CENPO: variants seen among roughly 807,000 people sequenced by gnomAD.
CENPO encodes the protein centromeric protein O.
A neutral mutation model predicts 36.1 loss-of-function variants in CENPO; 30 were observed. The ratio of observed to expected loss-of-function variants is 0.83; its 90% CI spans 0.62 to 1.13. The LOEUF is 1.13. Ranked by LOEUF, CENPO falls within the 50% of genes most tolerant of loss-of-function variation. The probability of loss-of-function intolerance (pLI) is 0.00; values close to 1 mark genes in which losing one functional copy is unlikely to be tolerated. For missense variants in CENPO, 349 were observed against 357.8 expected (o/e 0.98, Z 0.20); for synonymous variants, 171 against 142.3 (o/e 1.20, Z -1.44).
At chr2:24,808,314 T>G (rs1022167898) in intron 3 of CENPO, among the ~76,000 whole-genome samples, 1 of 152,166 alleles carries the variant, frequency 6.6e-6, no homozygotes, top group African/African-American at 2.4e-5. Context: ...GTTCAAGAGA[T>G]TCTTCTGCCT....
chr2:24,816,635 A>C lies in CENPO; in HGVS notation c.595-11A>C. The C allele has an allele frequency of 1.3e-6, 2 of 1,582,410 alleles. No individual in the cohort carries two copies. Among genetic ancestry groups the C allele is most frequent in the Non-Finnish European group, 1.7e-6 (2 of 1,165,810 alleles). On this transcript the variant is annotated splice_polypyrimidine_tract_variant and intron_variant, in intron 5 of 7. Coordinates refer to ENST00000380834, the MANE Select transcript of CENPO (RefSeq NM_001322101.2). ...CATCCTCTACTTCGTTTTGTTCCTCACCCCTCTTAGAGTGACTTTGCAGCC... is the reference window on the plus strand; with the variant it reads ...CATCCTCTACTTCGTTTTGTTCCTCCCCCCTCTTAGAGTGACTTTGCAGCC...
chr2:24,793,719 A>G (rs890502050), intron 1 of CENPO, 133 bp from the exon 2 acceptor site: 3 of 956,040 alleles, frequency 3.1e-6, no homozygotes, highest in Non-Finnish European at 4.7e-6. Flanking sequence ...CGGGCGGCTC[A>G]GGAAAGGGGA....
At chr2:24,793,666 G>A in intron 1 of CENPO, 165 bp downstream of exon 1, 2 of 1,179,924 alleles carry the variant, frequency 1.7e-6, no homozygotes, top group Non-Finnish European at 2.3e-6. Context: ...GGATGGGCGC[G>A]GGGGTGGGCA....
intron 5 of CENPO, chr2:24,816,369 C>T (rs964259543): frequency 4.9e-5 from 17 of 349,478 alleles, no homozygotes; most frequent in South Asian, 3.0e-4. Flanking sequence ...GCATCTTAGC[C>T]GTGTAACGTC....
rs753997989 is a variant in CENPO at position 24,799,728 on chromosome 2, C to G, written c.100C>G (p.Gln34Glu). The change falls in exon 3 of 8, where the codon CAG becomes GAG. Residue 34 changes from glutamine (Q) to glutamate (E), a missense_variant. Gln to Glu is a conservative substitution (Grantham distance 29, BLOSUM62 2). Transcript: ENST00000380834. ...LETQVSRSRK[Q>E]SEELQSVQAQ... The stretch of plus-strand genomic sequence containing the variant: ...GACCCAAGTGAGCAGATCCCGTAAA[C>G]AGTCTGAAGAGCTGCAGAGCGTGCA... The G allele has an allele frequency of 6.2e-7, 1 of 1,614,070 alleles. No homozygotes were observed. Among genetic ancestry groups the G allele is most frequent in the Non-Finnish European group, 8.5e-7 (1 of 1,180,024 alleles).
chr2:24,804,838 C>T (rs1201770094), intron 3 of CENPO, among the ~76,000 whole-genome samples: 2 of 152,038 alleles, frequency 1.3e-5, no homozygotes, highest in Admixed American at 6.6e-5. Context: ...ATCTTTGTGG[C>T]GTTCTCTGTA....
In CENPO at chr2:24,793,840, T is replaced by C. The variant is rs1003279112; in HGVS notation, c.-68-12T>C. The C allele has an allele frequency of 6.2e-7, 1 of 1,601,888 alleles. No homozygotes were observed. The highest frequency in any genetic ancestry group is 8.6e-7 in the Non-Finnish European group (1 of 1,169,282). ...AGATGTGATGTGACTGTTGCCATTTTTCTTTTATTAGCAAGGACATTGGAG... is the reference window on the plus strand; with the variant it reads ...AGATGTGATGTGACTGTTGCCATTTCTCTTTTATTAGCAAGGACATTGGAG... On this transcript the variant is annotated splice_polypyrimidine_tract_variant and intron_variant, in intron 1 of 7. Transcript: ENST00000380834.
intron 3 of CENPO, among the ~76,000 whole-genome samples, chr2:24,806,072 C>T (rs1666387119): frequency 6.6e-6 from 1 of 152,216 alleles, no homozygotes; most frequent in Non-Finnish European, 1.5e-5. Flanking sequence ...TTGATCTCAG[C>T]CTGTTGTGCT....
rs148690748 is a variant in CENPO, at chr2:24,819,903, G to A, written c.*585G>A. ...TTTCAAAAAATAAATTCTCCCTTCC[G>A]GTTTGGACTGTTGCAGGCTCGAGGC... is the stretch of plus-strand genomic sequence containing the variant. On this transcript the variant is annotated 3_prime_UTR_variant, in exon 8 of 8. Transcript: ENST00000380834. The A allele has an allele frequency of 4.2e-5, 67 of 1,607,860 alleles. No individual in the cohort carries two copies. Among genetic ancestry groups the A allele is most frequent in the Middle Eastern group, 3.3e-4 (2 of 6,030 alleles).
rs889044286 is a variant in CENPO at position 24,819,703 on chromosome 2, A to T, written c.*385A>T. On this transcript the variant is annotated 3_prime_UTR_variant, in exon 8 of 8. Coordinates refer to ENST00000380834, the MANE Select transcript of CENPO (RefSeq NM_001322101.2). ...GGATTGGAACGAGGGCTCTGGAAGG[A>T]CTGTTCAGCCCTATGCCTAAGACCC... 4.2e-6 allele frequency: 2 copies of T among 478,418 alleles called. No individual in the cohort carries two copies. Among genetic ancestry groups the T allele is most frequent in the African/African-American group, 4.1e-5 (2 of 49,324 alleles). 29.6% of individuals were successfully genotyped at this position (478,418 alleles called of 1,614,324 possible).
Position 24,793,515 on chromosome 2 carries a change from G to C in CENPO, c.-69+14G>C. On this transcript the variant is annotated intron_variant, in intron 1 of 7. Coordinates refer to ENST00000380834, the MANE Select transcript of CENPO (RefSeq NM_001322101.2). ...CTTCTGGCCTGGGTGAGCTAGAAGG[G>C]AGAAGGTAGGGGAAAGACCCATTGT... 1 of 1,583,798 alleles carries C rather than the reference G, an allele frequency of 6.3e-7. No individual in the cohort carries two copies. The highest frequency in any genetic ancestry group is 8.6e-7 in the Non-Finnish European group (1 of 1,164,768).
chr2:24,805,355 C>T (rs1666352211), intron 3 of CENPO, among the ~76,000 whole-genome samples: 1 of 152,194 alleles, frequency 6.6e-6, no homozygotes, highest in South Asian at 2.1e-4. Context: ...CAGCTTTGTT[C>T]CATTGCTGGT....
At chr2:24,800,062 A>G (rs1427814215) in intron 3 of CENPO, among the ~76,000 whole-genome samples, 1 of 152,206 alleles carries the variant, frequency 6.6e-6, no homozygotes, top group Non-Finnish European at 1.5e-5. Flanking sequence ...AGGCAGGCCT[A>G]TCGCCTGTGG....
At chr2:24,819,179 A>G (rs953450470) in intron 7 of CENPO, 175 bp from the exon 8 acceptor site, 3 of 152,664 alleles carry the variant, frequency 2.0e-5, no homozygotes, top group African/African-American at 7.2e-5. Flanking sequence ...TTTCAAGTTG[A>G]ATAAAGCTTT....
At chr2:24,809,823 A>T (rs573711867) in intron 3 of CENPO, among the ~76,000 whole-genome samples, 1 of 152,114 alleles carries the variant, frequency 6.6e-6, no homozygotes, top group East Asian at 1.9e-4. Context: ...TGGACTTTGC[A>T]TTTGTTGGCT....
intron 3 of CENPO, among the ~76,000 whole-genome samples, chr2:24,813,436 G>C (rs570079512): frequency 6.6e-6 from 1 of 152,200 alleles, no homozygotes; most frequent in Admixed American, 6.5e-5. Context: ...GAAAGTTTGG[G>C]AGTGTGTTGG....
intron 2 of CENPO, among the ~76,000 whole-genome samples, chr2:24,798,925 T>C (rs1200882596): frequency 6.6e-6 from 1 of 151,018 alleles, no homozygotes; most frequent in Admixed American, 6.6e-5. Context: ...CCCTACAAAA[T>C]AGATGCTGGG....
chr2:24,822,321 C>G lies in CENPO; in HGVS notation c.*3003C>G, dbSNP rs1206478134. The G allele has an allele frequency of 2.6e-6, 2 of 762,462 alleles. No individual in the cohort carries two copies. The highest frequency in any genetic ancestry group is 4.1e-6 in the Non-Finnish European group (2 of 486,156). 47.2% of individuals were successfully genotyped at this position (762,462 alleles called of 1,614,324 possible). ...CTGTGAACAGCAGGGGGTTGTGTGT[C>G]TGTTCTGTTTCTCTGCTTGCCGAAC... is the stretch of plus-strand genomic sequence containing the variant. On this transcript the variant is annotated 3_prime_UTR_variant, in exon 8 of 8. Coordinates refer to ENST00000380834, the MANE Select transcript of CENPO (RefSeq NM_001322101.2).
At chr2:24,802,646 G>A (rs1402073769) in intron 3 of CENPO, among the ~76,000 whole-genome samples, 4 of 152,316 alleles carry the variant, frequency 2.6e-5, no homozygotes, top group East Asian at 1.9e-4. Flanking sequence ...ATTTGCATAT[G>A]TTGAACCAGC....
Sources: gnomAD v4.1 joint callset for allele counts (sites outside exome capture counted in the v4.1 genomes callset) on GRCh38, gnomAD v4.1.1 for gene constraint, MANE v1.5 for transcripts, NCBI Gene and HGNC (gene_info 2026-07-23, HGNC 2026-07-21) for gene names.